The following PREPL variants were observed in gnomAD, a reference collection of about 807,000 sequenced individuals.
PREPL encodes prolyl endopeptidase like.
PREPL carries 77 observed loss-of-function variants against 70.6 expected under a neutral mutation model. That is an observed-to-expected ratio of 1.09 (90% CI 0.91 to 1.32). The LOEUF (loss-of-function observed/expected upper bound fraction) is 1.32, where lower values mean the gene tolerates loss of function less well. PREPL is among the 40% of genes most tolerant of loss of function. PREPL has a pLI of 0.00. For missense variants in PREPL, 1,002 were observed against 778.2 expected (o/e 1.29, Z -3.42); for synonymous variants, 315 against 264.8 (o/e 1.19, Z -1.84).
Position 44,321,833 on chromosome 2 carries a change from G to T in PREPL, c.1821C>A (p.His607Gln). 1 of 1,613,716 alleles carries T rather than the reference G, an allele frequency of 6.2e-7. No individual in the cohort carries two copies. Among genetic ancestry groups the T allele is most frequent in the Non-Finnish European group, 8.5e-7 (1 of 1,179,706 alleles). Residue 607 changes from histidine to glutamine, a missense_variant, in exon 13 of 14, where the codon CAC (histidine) becomes CAA (glutamine). Coordinates refer to ENST00000409411, the MANE Select transcript of PREPL (RefSeq NM_001171613.2). ...GAGGGCCTTGATAACATACCTTTTT[G>T]TGAGAATCCTCAATTACATGATTGC... is the stretch of plus-strand genomic sequence containing the variant. ...PGGNHVIEDSHKKITAQIKFL... is the reference protein window; with the variant it reads ...PGGNHVIEDSQKKITAQIKFL...
In PREPL at chr2:44,341,176, C is replaced by T. The variant is rs374628987; in HGVS notation, c.485+1241G>A. 3.6e-3 allele frequency among the ~76,000 whole-genome samples: 551 copies of T among 152,112 alleles called. 1 individual carries two copies. The highest frequency in any genetic ancestry group is 0.013 in the African/African-American group (534 of 41,520). On this transcript the variant is annotated intron_variant, in intron 5 of 13. Transcript: ENST00000409411. ...CATCTTATTAAAAAATTATTTTTCT[C>T]AATGGGTTCTTTAAATCTCTTAGGA...
At chr2:44,347,308 C>T (rs1675933488) in intron 1 of PREPL, 1 of 152,260 alleles carries the variant, frequency 6.6e-6, no homozygotes, top group South Asian at 2.1e-4. Context: ...TGCACTCCAG[C>T]ATGCAGAGTG....
chr2:44,339,131 G>A lies in PREPL; in HGVS notation c.702+16C>T, dbSNP rs781605745. ...TCTTAACAGCCCAAATAGGAACAAC[G>A]AGCATCCAGGATTACCTTAAATTCT... On this transcript the variant is annotated intron_variant, in intron 6 of 13. Transcript: ENST00000409411. 7.4e-6 allele frequency: 12 copies of A among 1,612,168 alleles called. No homozygotes were observed. In the East Asian group the frequency reaches 8.9e-5, roughly 12 times the overall value.
chr2:44,320,175 GTAAA>G lies in PREPL; in HGVS notation c.*1177_*1180del. 1 of 1,573,914 alleles carries G rather than the reference GTAAA, an allele frequency of 6.4e-7. No homozygotes were observed. The highest frequency in any genetic ancestry group is 8.7e-7 in the Non-Finnish European group (1 of 1,145,532). ...ACAATTCTTAGAATCAAACACTTAC[GTAAA>G]TACTTTTTTAAAAAAATAGGTCCAA... On this transcript the variant is annotated 3_prime_UTR_variant, in exon 14 of 14. Coordinates refer to ENST00000409411, the MANE Select transcript of PREPL (RefSeq NM_001171613.2).
chr2:44,346,783 C>T (rs946084456), intron 1 of PREPL, among the ~76,000 whole-genome samples: 10 of 151,762 alleles, frequency 6.6e-5, no homozygotes, highest in East Asian at 5.8e-4. Flanking sequence ...AAAAATCTTT[C>T]GCGTTTAGGA....
At position 44,318,366 on chromosome 2, in the gene PREPL, C is replaced by T. The variant is rs575525262; in HGVS notation, c.*2990G>A. 71 of 186,496 alleles carry T rather than the reference C, an allele frequency of 3.8e-4. No homozygotes were observed. Among genetic ancestry groups the T allele is most frequent in the East Asian group, 1.9e-3 (11 of 5,668 alleles). The allele number at this position is 186,496 out of a possible 1,614,324, so 11.6% of individuals were successfully genotyped here. A position where few individuals can be genotyped will look rare whatever the true frequency, so the allele number is the denominator to read the frequency against. On this transcript the variant is annotated 3_prime_UTR_variant, in exon 14 of 14. Coordinates refer to ENST00000409411, the MANE Select transcript of PREPL (RefSeq NM_001171613.2). ...CTTGCCTCCCAAAGTGCTAGGATTA[C>T]GGGCCTGAGCCACCTTGCCTGGCCT...
intron 4 of PREPL, 40 bp from the exon 5 acceptor site, chr2:44,342,592 C>T (rs1421687335): frequency 1.6e-6 from 2 of 1,274,210 alleles, no homozygotes; most frequent in East Asian, 2.4e-5. Context: ...TAATCACCTA[C>T]ACTCCATTAA....
chr2:44,345,998 C>A lies in PREPL; in HGVS notation c.75+270G>T, dbSNP rs190777579. On this transcript the variant is annotated intron_variant, in intron 2 of 13. Coordinates refer to ENST00000409411, the MANE Select transcript of PREPL (RefSeq NM_001171613.2). ...CTCTTGAAATTTTTTTTTTTTAAAT[C>A]GGAACTGATTGTTTGCAAAAACCAG... Among the ~76,000 whole-genome samples the A allele has an allele frequency of 3.8e-4, 57 of 151,628 alleles. No homozygotes were observed. The East Asian group carries it at 0.01, about 27-fold the overall frequency.
chr2:44,338,329 A>T, intron 7 of PREPL, 22 bp downstream of exon 7: 1 of 1,587,864 alleles, frequency 6.3e-7, no homozygotes, highest in Non-Finnish European at 8.6e-7. Context: ...TAACAGTATT[A>T]ACTTCTGAAA....
rs1261300597 is a variant in PREPL, at chr2:44,319,041, G to A, written c.*2315C>T. On this transcript the variant is annotated 3_prime_UTR_variant, in exon 14 of 14. Coordinates refer to ENST00000409411, the MANE Select transcript of PREPL (RefSeq NM_001171613.2). ...TTATGTGAGTGGCACTGAAACATGT[G>A]CTTTCATGCATTACCTAAGGCTAGA... 6.6e-6 allele frequency: 1 copy of A among 152,310 alleles called. No homozygotes were observed. The highest frequency in any genetic ancestry group is 1.5e-5 in the Non-Finnish European group (1 of 68,042). 9.4% of individuals were successfully genotyped at this position (152,310 alleles called of 1,614,324 possible).
intron 1 of PREPL, chr2:44,360,398 A>G (rs1677577669): frequency 6.6e-6 from 1 of 152,156 alleles, no homozygotes; most frequent in Non-Finnish European, 1.5e-5. Context: ...GGTCACTTGT[A>G]CAGTAAGCTG....
intron 6 of PREPL, 81 bp downstream of exon 6, chr2:44,339,066 C>G (rs963588913): frequency 3.8e-6 from 6 of 1,559,776 alleles, no homozygotes; most frequent in Non-Finnish European, 5.2e-6. Flanking sequence ...AAACAATGAG[C>G]TCTTGGAGCA....
chr2:44,346,878 A>G (rs1675885951), intron 1 of PREPL, among the ~76,000 whole-genome samples: 1 of 152,154 alleles, frequency 6.6e-6, no homozygotes, highest in Admixed American at 6.5e-5. Flanking sequence ...CTATTATTTT[A>G]TTCACAGCCA....
Position 44,338,389 on chromosome 2 carries a change from C to T in PREPL, c.850G>A (p.Val284Met), listed in dbSNP as rs774240653. Residue 284 changes from valine to methionine, a missense_variant, in exon 7 of 14, where the codon GTG (valine) becomes ATG (methionine). Physicochemically the swap from Val to Met is conservative, Grantham distance 21. Coordinates refer to ENST00000409411, the MANE Select transcript of PREPL (RefSeq NM_001171613.2). ...LKHSNLLYVN[V>M]IGLADDSVRS... ...ACTGAATCATCAGCCAGACCAATCA[C>T]ATTAACATAAAGGAGATTGCTGTGC... 2 of 1,613,230 alleles carry T rather than the reference C, an allele frequency of 1.2e-6. No individual in the cohort carries two copies. Among genetic ancestry groups the T allele is most frequent in the South Asian group, 1.1e-5 (1 of 90,908 alleles).
chr2:44,334,014 A>C (rs984841293), intron 7 of PREPL, among the ~76,000 whole-genome samples: 13 of 152,216 alleles, frequency 8.5e-5, no homozygotes, highest in Non-Finnish European at 1.8e-4. Flanking sequence ...AATAAATCAA[A>C]AAGTATTTTT....
At position 44,360,373 on chromosome 2, in the gene PREPL, T is replaced by C. The variant is rs1677574895; in HGVS notation, c.-49+1007A>G. ...GCCAAACTGTGGCTGTGGGAGGTTC[T>C]AAGCAACTGTTCCAGGTCACTTGTA... On this transcript the variant is annotated intron_variant, in intron 1 of 13. Transcript: ENST00000409411. 6 of 152,270 alleles carry C rather than the reference T, an allele frequency of 3.9e-5. No individual in the cohort carries two copies. In the South Asian group the frequency reaches 1.2e-3, roughly 31 times the overall value. 9.4% of individuals were successfully genotyped at this position (152,270 alleles called of 1,614,324 possible).
rs991628069 is a variant in PREPL at position 44,356,967 on chromosome 2, G to A, written c.-49+4413C>T. 1.1e-4 allele frequency among the ~76,000 whole-genome samples: 16 copies of A among 152,154 alleles called. 1 individual carries two copies. Among genetic ancestry groups the A allele is most frequent in the Admixed American group, 1.0e-3 (16 of 15,270 alleles). Reference sequence around the variant, plus strand: ...TTACAGGCGTGCGCCACCATACCCAGCTAATTTTTAGTCTTTTTGGTAGAG... The same window carrying A: ...TTACAGGCGTGCGCCACCATACCCAACTAATTTTTAGTCTTTTTGGTAGAG... On this transcript the variant is annotated intron_variant, in intron 1 of 13. Coordinates refer to ENST00000409411, the MANE Select transcript of PREPL (RefSeq NM_001171613.2).
chr2:44,320,956 A>C lies in PREPL; in HGVS notation c.*400T>G, dbSNP rs1572833362. 2 of 408,538 alleles carry C rather than the reference A, an allele frequency of 4.9e-6. No homozygotes were observed. Among genetic ancestry groups the C allele is most frequent in the African/African-American group, 4.1e-5 (2 of 49,276 alleles). The allele number at this position is 408,538 out of a possible 1,614,324, so 25.3% of individuals were successfully genotyped here. On this transcript the variant is annotated 3_prime_UTR_variant, in exon 14 of 14. Coordinates refer to ENST00000409411, the MANE Select transcript of PREPL (RefSeq NM_001171613.2). Reference sequence around the variant, plus strand: ...GAAGAATTTTATCTTTTCCCTTAAAATGCAGTCATAGAAATTAGAGGATGA... The same window carrying C: ...GAAGAATTTTATCTTTTCCCTTAAACTGCAGTCATAGAAATTAGAGGATGA...
chr2:44,339,205 T>G lies in PREPL; in HGVS notation c.644A>C (p.Glu215Ala). 1 of 1,614,070 alleles carries G rather than the reference T, an allele frequency of 6.2e-7. No individual in the cohort carries two copies. The highest frequency in any genetic ancestry group is 8.5e-7 in the Non-Finnish European group (1 of 1,179,948). ...AATGTATAATTCATCATCTCTGTGT[T>G]CAACATAGTAAAGGACCCCATGTAT... ...KRIHGVLYYVEHRDDELYILT... is the reference protein window; with the variant it reads ...KRIHGVLYYVAHRDDELYILT... Residue 215 changes from glutamate to alanine, a missense_variant, in exon 6 of 14, where the codon GAA (glutamate) becomes GCA (alanine). Physicochemically the swap from Glu to Ala is moderately radical, Grantham distance 107. Transcript: ENST00000409411.
Sources: allele counts gnomAD v4.1 joint callset (sites outside exome capture counted in the v4.1 genomes callset), GRCh38; gene constraint gnomAD v4.1.1; transcripts MANE v1.5; gene names NCBI Gene and HGNC (gene_info 2026-07-23, HGNC 2026-07-21).